The following BMP2K variants were observed in gnomAD, a reference collection of about 807,000 sequenced individuals.
BMP2K encodes the protein BMP-2-inducible protein kinase.
BMP2K carries 74 observed loss-of-function variants against 116.0 expected under a neutral mutation model. The observed-to-expected ratio is 0.64, with a 90% confidence interval of 0.53 to 0.77. The LOEUF is 0.77. Ranked by LOEUF, BMP2K falls within the 30% of genes least tolerant of loss-of-function variation. BMP2K has a pLI of 0.00. For synonymous variants in BMP2K, 486 were observed against 502.5 expected (o/e 0.97, Z 0.44); for missense variants, 1,365 against 1,403.6 (o/e 0.97, Z 0.44).
chr4:78,802,028 G>T (rs1240575313), intron 1 of BMP2K, among the ~76,000 whole-genome samples: 2 of 152,166 alleles, frequency 1.3e-5, no homozygotes, highest in African/African-American at 4.8e-5. Flanking sequence ...TTTAGTGAAG[G>T]CCATTTTTTG....
chr4:78,893,467 G>C (rs1733546043), intron 15 of BMP2K, among the ~76,000 whole-genome samples: 1 of 152,166 alleles, frequency 6.6e-6, no homozygotes, highest in African/African-American at 2.4e-5. Flanking sequence ...ATGAAATCTA[G>C]AATGGTGAAT....
intron 7 of BMP2K, among the ~76,000 whole-genome samples, chr4:78,858,147 G>T: frequency 6.6e-6 from 1 of 151,898 alleles, no homozygotes; most frequent in East Asian, 1.9e-4. Flanking sequence ...AGGACTATAC[G>T]TTTGTGAATT....
At chr4:78,801,354 G>GTGTA (rs1269613837) in intron 1 of BMP2K, among the ~76,000 whole-genome samples, 1 of 133,008 alleles carries the variant, frequency 7.5e-6, no homozygotes, top group Non-Finnish European at 1.6e-5. Context: ...CTGTGTGTGT[G>GTGTA]TGTGTGTGTG....
rs1489278500 is a variant in BMP2K, at chr4:78,865,592, T to C, written c.1103T>C (p.Ile368Thr). The C allele has an allele frequency of 1.9e-6, 3 of 1,614,030 alleles. No individual in the cohort carries two copies. Among genetic ancestry groups the C allele is most frequent in the East Asian group, 2.2e-5 (1 of 44,868 alleles). Residue 368 changes from isoleucine (I) to threonine (T), a missense_variant, in exon 10 of 16, where the codon ATT becomes ACT. Ile to Thr is a moderately conservative substitution (Grantham distance 89). Transcript: ENST00000502613. ...TDTIGPTETS[I>T]APRQRPKANS... is the part of the protein sequence containing the mutation. ...ACCATTGGACCAACAGAAACCTCAA[T>C]TGCACCAAGACAAAGACCAAAGGCC...
At chr4:78,879,066 A>G in intron 14 of BMP2K, 175 bp downstream of exon 14, 1 of 1,368,064 alleles carries the variant, frequency 7.3e-7, no homozygotes, top group Non-Finnish European at 9.4e-7. Context: ...TGTGCATTAG[A>G]AATCAGTTGC....
intron 1 of BMP2K, among the ~76,000 whole-genome samples, chr4:78,780,601 A>G (rs1390895232): frequency 2.0e-5 from 3 of 152,234 alleles, no homozygotes; most frequent in Middle Eastern, 3.2e-3. Flanking sequence ...GTAAGTTCAC[A>G]TTCCGAAGAG....
chr4:78,909,957 A>G (rs1188530307), intron 15 of BMP2K, among the ~76,000 whole-genome samples: 2 of 152,190 alleles, frequency 1.3e-5, no homozygotes, highest in Non-Finnish European at 2.9e-5. Context: ...TTGTTTTTAA[A>G]GGAATCTCGC....
At chr4:78,785,483 C>T (rs765467442) in intron 1 of BMP2K, among the ~76,000 whole-genome samples, 1 of 152,070 alleles carries the variant, frequency 6.6e-6, no homozygotes, top group Non-Finnish European at 1.5e-5. Flanking sequence ...CCTTGAGATC[C>T]GGGTAGAAGC....
intron 1 of BMP2K, among the ~76,000 whole-genome samples, chr4:78,804,183 T>TA (rs1306453002): frequency 6.6e-6 from 1 of 152,180 alleles, no homozygotes; most frequent in Non-Finnish European, 1.5e-5. Context: ...TGGATTTGTC[T>TA]ATTCTGGGCA....
rs1486808388 is a variant in BMP2K at position 78,776,503 on chromosome 4, C to G, written c.-41C>G. 3.5e-6 allele frequency: 4 copies of G among 1,128,760 alleles called. No homozygotes were observed. The South Asian group carries it at 1.3e-4, about 36-fold the overall frequency. 69.9% of individuals were successfully genotyped at this position (1,128,760 alleles called of 1,614,324 possible). On this transcript the variant is annotated 5_prime_UTR_variant, in exon 1 of 16. Transcript: ENST00000502613. ...GCTGCGCGCCGGGCCGGGGACTTGC[C>G]CTTGCACGCTCCCTGCGCCCTCCAG...
chr4:78,777,431 C>G (rs559565221), intron 1 of BMP2K, among the ~76,000 whole-genome samples: 13 of 152,208 alleles, frequency 8.5e-5, no homozygotes, highest in African/African-American at 1.2e-4. Context: ...GTTTTGTGGT[C>G]GGTCCTTCAT....
At chr4:78,828,864 G>T (rs1166263668) in intron 2 of BMP2K, among the ~76,000 whole-genome samples, 1 of 152,206 alleles carries the variant, frequency 6.6e-6, no homozygotes, top group African/African-American at 2.4e-5. Context: ...GATGTTGAAG[G>T]CTGCTGACTG....
intron 2 of BMP2K, among the ~76,000 whole-genome samples, chr4:78,829,919 T>C (rs1199284022): frequency 1.3e-5 from 2 of 151,528 alleles, no homozygotes; most frequent in African/African-American, 2.4e-5. Flanking sequence ...GGTGTGATCT[T>C]GGCTCACTGC....
At chr4:78,845,125 A>C (rs186514912) in intron 5 of BMP2K, 76 bp downstream of exon 5, 6 of 1,243,372 alleles carry the variant, frequency 4.8e-6, no homozygotes, top group African/African-American at 4.6e-5. Context: ...CACTGCTAAT[A>C]CAAATTTTAG....
At chr4:78,785,461 T>TTA (rs1049349297) in intron 1 of BMP2K, among the ~76,000 whole-genome samples, 3 of 152,162 alleles carry the variant, frequency 2.0e-5, no homozygotes, top group African/African-American at 7.2e-5. Flanking sequence ...AGAAGTTGCC[T>TTA]TACATGCTAG....
intron 2 of BMP2K, among the ~76,000 whole-genome samples, chr4:78,832,118 T>G (rs892104404): frequency 1.3e-5 from 2 of 152,202 alleles, no homozygotes; most frequent in Non-Finnish European, 1.5e-5. Context: ...GCATTTGGGC[T>G]GTTTCTGTCT....
chr4:78,793,409 C>CAAA (rs59725143), intron 1 of BMP2K, among the ~76,000 whole-genome samples: 51 of 81,084 alleles, frequency 6.3e-4, no homozygotes, highest in South Asian at 4.2e-3. Context: ...GACTCCGTCT[C>CAAA]AAAAAAAAAA....
chr4:78,833,173 C>T lies in BMP2K; in HGVS notation c.298-409C>T, dbSNP rs146395634. ...TCTATAAATTCATGTAATAGCTACA[C>T]GTAAATTGCAATATGTTGCAGGCAA... is the stretch of plus-strand genomic sequence containing the variant. On this transcript the variant is annotated intron_variant, in intron 2 of 15. Transcript: ENST00000502613. Among the ~76,000 whole-genome samples, 54 of 151,844 alleles carry T rather than the reference C, an allele frequency of 3.6e-4. No homozygotes were observed. In the East Asian group the frequency reaches 9.5e-3, roughly 27 times the overall value.
At chr4:78,842,004 C>T (rs1730782050) in intron 3 of BMP2K, among the ~76,000 whole-genome samples, 1 of 151,972 alleles carries the variant, frequency 6.6e-6, no homozygotes, top group Admixed American at 6.6e-5. Flanking sequence ...GTGATTGCTT[C>T]TACCTTTAGA....
Sources: gnomAD v4.1 joint callset for allele counts (sites outside exome capture counted in the v4.1 genomes callset) on GRCh38, gnomAD v4.1.1 for gene constraint, MANE v1.5 for transcripts, NCBI Gene and HGNC (gene_info 2026-07-23, HGNC 2026-07-21) for gene names.